The following DISP3 variants were observed in gnomAD, a reference collection of about 807,000 sequenced individuals.
DISP3 encodes the protein protein dispatched homolog 3.
DISP3 carries 101 observed loss-of-function variants against 135.3 expected under a neutral mutation model. That is an observed-to-expected ratio of 0.75 (90% CI 0.64 to 0.88). The LOEUF (loss-of-function observed/expected upper bound fraction) is 0.88, where lower values mean the gene tolerates loss of function less well. DISP3 is among the 40% of genes least tolerant of loss of function. The probability of loss-of-function intolerance (pLI) is 0.00; values close to 1 mark genes in which losing one functional copy is unlikely to be tolerated. For missense variants in DISP3, 1,713 were observed against 1,878.6 expected, an observed-to-expected ratio of 0.91 and a Z score of 1.63; for synonymous variants, 856 against 817.0, an observed-to-expected ratio of 1.05 and a Z score of -0.81.
chr1:11,526,952 T>C, intron 13 of DISP3, 117 bp downstream of exon 13: 1 of 1,290,080 alleles, frequency 7.8e-7, no homozygotes, highest in Non-Finnish European at 1.0e-6. Flanking sequence ...CACTTTTTTT[T>C]TTTTTTCTTA....
Position 11,489,280 on chromosome 1 carries a change from G to A in DISP3, c.-4+9908G>A, listed in dbSNP as rs954611787. ...TGTATCCTCCAGCTTCTCTTTGGGC[G>A]CTATGGGGCAAAGAAGAGTTTTGCA... On this transcript the variant is annotated intron_variant, in intron 1 of 20. Coordinates refer to ENST00000294484, the MANE Select transcript of DISP3 (RefSeq NM_020780.2). Among the ~76,000 whole-genome samples, 13 of 152,340 alleles carry A rather than the reference G, an allele frequency of 8.5e-5. No individual in the cohort carries two copies. In the East Asian group the frequency reaches 1.5e-3, roughly 18 times the overall value.
intron 10 of DISP3, among the ~76,000 whole-genome samples, chr1:11,522,573 G>C (rs1217687525): frequency 7.4e-6 from 1 of 135,082 alleles, no homozygotes; most frequent in Non-Finnish European, 1.6e-5. Flanking sequence ...GCCCAGCCAG[G>C]ACCCAGCCAA....
chr1:11,497,433 G>A (rs901560735), intron 1 of DISP3, among the ~76,000 whole-genome samples: 2 of 151,040 alleles, frequency 1.3e-5, no homozygotes, highest in African/African-American at 4.9e-5. Context: ...TCGTCGCCCA[G>A]GCTGGAGTGC....
In DISP3 at chr1:11,536,684, T is replaced by C; in HGVS notation, c.4177T>C (p.Ter1393GlnextTer27). The C allele has an allele frequency of 3.8e-6, 6 of 1,561,954 alleles. No homozygotes were observed. The highest frequency in any genetic ancestry group is 5.2e-6 in the Non-Finnish European group (6 of 1,154,866). The part of the protein sequence containing the change: ...KIPLPAGASL[*>Q] Reference sequence around the variant, plus strand: ...TCCCCTGCCCGCAGGGGCCTCCCTATAGCCCGGGACGGGCTCTGGACACTT... The same window carrying C: ...TCCCCTGCCCGCAGGGGCCTCCCTACAGCCCGGGACGGGCTCTGGACACTT... The change falls in exon 21 of 21, where the codon TAG becomes CAG. Residue 1393 changes from the stop codon to glutamine (Q), a stop_lost. Coordinates refer to ENST00000294484, the MANE Select transcript of DISP3 (RefSeq NM_020780.2). This position sits in a 1 kb window ranked among gnomAD's most constrained non-coding sequence, Gnocchi z 4.3.
In DISP3 at chr1:11,515,442, C is replaced by A; in HGVS notation, c.1527C>A (p.Val509=). 1 of 1,613,854 alleles carries A rather than the reference C, an allele frequency of 6.2e-7. No individual in the cohort carries two copies. Among genetic ancestry groups the A allele is most frequent in the Non-Finnish European group, 8.5e-7 (1 of 1,179,840 alleles). Residue 509 remains valine (V), a synonymous_variant, in exon 5 of 21, where the codon GTC becomes GTA. Transcript: ENST00000294484. Reference sequence around the variant, plus strand: ...TGGCCCTCTTCCTGTACCACGTGGTCTTTGGTATCCAGTACTTGGGCATCC... The same window carrying A: ...TGGCCCTCTTCCTGTACCACGTGGTATTTGGTATCCAGTACTTGGGCATCC... ...CLVALFLYHV[V]FGIQYLGILN...
chr1:11,501,186 G>C lies in DISP3; in HGVS notation c.194G>C (p.Gly65Ala). 1 of 1,614,024 alleles carries C rather than the reference G, an allele frequency of 6.2e-7. No individual in the cohort carries two copies. The highest frequency in any genetic ancestry group is 8.5e-7 in the Non-Finnish European group (1 of 1,179,914). ...PPASGFWSTL[G>A]WAFTNPCCAG... Reference sequence around the variant, plus strand: ...GCTTCGGGCTTCTGGAGTACCCTGGGCTGGGCCTTCACCAATCCGTGCTGT... The same window carrying C: ...GCTTCGGGCTTCTGGAGTACCCTGGCCTGGGCCTTCACCAATCCGTGCTGT... The change falls in exon 2 of 21, where the codon GGC becomes GCC. Residue 65 changes from glycine to alanine, a missense_variant. Gly to Ala is a moderately conservative substitution (Grantham distance 60, BLOSUM62 0). Coordinates refer to ENST00000294484, the MANE Select transcript of DISP3 (RefSeq NM_020780.2). This position sits in a 1 kb window ranked among gnomAD's most constrained non-coding sequence, Gnocchi z 4.9.
chr1:11,495,419 T>C (rs1641305591), intron 1 of DISP3, among the ~76,000 whole-genome samples: 1 of 151,958 alleles, frequency 6.6e-6, no homozygotes, highest in South Asian at 2.1e-4. Context: ...AAAACAAAAA[T>C]AGCTCTCCTA....
At chr1:11,522,579 GCCAAGACCCAGCCAGGA>G (rs1642234753) in intron 10 of DISP3, among the ~76,000 whole-genome samples, 4 of 140,996 alleles carry the variant, frequency 2.8e-5, no homozygotes, top group East Asian at 4.7e-4. Context: ...CCAGGACCCA[GCCAAGACCCAGCCAGGA>G]CCCAGCCAGA....
intron 1 of DISP3, among the ~76,000 whole-genome samples, chr1:11,495,435 GCATTTTGAGTCCAGAAGC>G (rs1269577433): frequency 6.6e-6 from 1 of 152,090 alleles, no homozygotes; most frequent in Non-Finnish European, 1.5e-5. Context: ...TCCTATTTTG[GCATTTTGAGTCCAGAAGC>G]CATCTCACCC....
At chr1:11,515,541 C>G in intron 5 of DISP3, 38 bp downstream of exon 5, 6 of 1,566,554 alleles carry the variant, frequency 3.8e-6, no homozygotes, top group Non-Finnish European at 5.2e-6. Context: ...GCGCCTCCCA[C>G]ATGGGAAGTC....
Position 11,537,001 on chromosome 1 carries a change from C to G in DISP3, c.*315C>G, listed in dbSNP as rs1642726087. 3 of 377,486 alleles carry G rather than the reference C, an allele frequency of 7.9e-6. No individual in the cohort carries two copies. The highest frequency in any genetic ancestry group is 6.9e-4 in the Middle Eastern group (1 of 1,446). 23.4% of individuals were successfully genotyped at this position (377,486 alleles called of 1,614,324 possible). On this transcript the variant is annotated 3_prime_UTR_variant, in exon 21 of 21. Coordinates refer to ENST00000294484, the MANE Select transcript of DISP3 (RefSeq NM_020780.2). ...CAGGTTATTTTTGTAGGGGGTCTCC[C>G]TCTCACACTGCCTCAGTGCTCACAA...
chr1:11,533,200 T>C (rs1464966736), intron 17 of DISP3, among the ~76,000 whole-genome samples: 1 of 150,890 alleles, frequency 6.6e-6, no homozygotes, highest in East Asian at 2.0e-4. Context: ...TTGACAACTC[T>C]GGGGGCCTCA....
chr1:11,500,117 G>C (rs1330373131), intron 1 of DISP3, among the ~76,000 whole-genome samples: 3 of 152,242 alleles, frequency 2.0e-5, no homozygotes, highest in African/African-American at 4.8e-5. Context: ...GGAGGCAGAT[G>C]CCTGGCCCCT....
rs778923836 is a variant in DISP3, at chr1:11,502,764, C to T, written c.1183C>T (p.Leu395=). The change falls in exon 3 of 21, where the codon CTG becomes TTG. Residue 395 remains leucine (L), a synonymous_variant. Coordinates refer to ENST00000294484, the MANE Select transcript of DISP3 (RefSeq NM_020780.2). Reference sequence around the variant, plus strand: ...TGCAGACAATCTGAAGAGCTCCCTCCTGCGCAGTGAGATCCTGTTTGGAGC... The same window carrying T: ...TGCAGACAATCTGAAGAGCTCCCTCTTGCGCAGTGAGATCCTGTTTGGAGC... ...LSADNLKSSL[L]RSEILFGAPL... is the part of the protein sequence containing the mutation. 3.1e-6 allele frequency: 5 copies of T among 1,614,214 alleles called. No homozygotes were observed. Among genetic ancestry groups the T allele is most frequent in the Admixed American group, 1.7e-5 (1 of 60,026 alleles).
chr1:11,531,074 GGACT>G lies in DISP3; in HGVS notation c.3229+47_3229+50del. 1 of 1,608,334 alleles carries G rather than the reference GGACT, an allele frequency of 6.2e-7. No homozygotes were observed. The highest frequency in any genetic ancestry group is 8.5e-7 in the Non-Finnish European group (1 of 1,179,112). The stretch of plus-strand genomic sequence containing the variant: ...GGAGCTGGTTCCTCCGAGGGAGGAT[GGACT>G]GACTGGGGAGGCACAGAGGCCGTGG... On this transcript the variant is annotated intron_variant, in intron 16 of 20. Coordinates refer to ENST00000294484, the MANE Select transcript of DISP3 (RefSeq NM_020780.2). This position sits in a 1 kb window ranked among gnomAD's most constrained non-coding sequence, Gnocchi z 5.2.
Position 11,519,435 on chromosome 1 carries a change from GC to G in DISP3, c.1973del (p.Pro658LeufsTer74), listed in dbSNP as rs1334610331. On this transcript the variant is annotated frameshift_variant, in exon 8 of 21. Transcript: ENST00000294484. LOFTEE classifies it high-confidence loss of function. This position sits in a 1 kb window ranked among gnomAD's most constrained non-coding sequence, Gnocchi z 4.3. ...VFAAPEQVGG[S>X]PAQGPIPYLD... ...GCCGCTCCCGAGCAGGTTGGAGGCA[GC>G]CCTGCCCAGGGCCCCATACCCTACC... 6.2e-7 allele frequency: 1 copy of G among 1,613,754 alleles called. No individual in the cohort carries two copies. The highest frequency in any genetic ancestry group is 2.2e-5 in the East Asian group (1 of 44,878).
In DISP3 at chr1:11,496,174, C is replaced by T. The variant is rs559762901; in HGVS notation, c.-3-4816C>T. ...GATATGGCTTTGGATTTCCACAAGC[C>T]TGGGCTTGAAAGTGGGTGAAGTCTT... On this transcript the variant is annotated intron_variant, in intron 1 of 20. Transcript: ENST00000294484. Among the ~76,000 whole-genome samples the T allele has an allele frequency of 3.4e-4, 52 of 152,116 alleles. 1 individual carries two copies. The highest frequency in any genetic ancestry group is 3.0e-3 in the Admixed American group (46 of 15,286).
At chr1:11,506,805 T>C (rs1641716871) in intron 3 of DISP3, among the ~76,000 whole-genome samples, 1 of 152,154 alleles carries the variant, frequency 6.6e-6, no homozygotes, top group Admixed American at 6.5e-5. Flanking sequence ...TTTTTATGTT[T>C]TTATTTTTAT....
intron 1 of DISP3, among the ~76,000 whole-genome samples, chr1:11,489,112 A>G (rs1324911506): frequency 6.6e-6 from 1 of 152,186 alleles, no homozygotes; most frequent in Non-Finnish European, 1.5e-5. Context: ...GGGAGCCCCA[A>G]GTTCTCAGAG....
Sources: gnomAD v4.1 joint callset for allele counts (sites outside exome capture counted in the v4.1 genomes callset) on GRCh38, gnomAD v4.1.1 for gene constraint, Gnocchi (gnomAD v3.1) non-coding constraint, MANE v1.5 for transcripts, NCBI Gene and HGNC (gene_info 2026-07-23, HGNC 2026-07-21) for gene names.